UNC5D: variants seen among roughly 807,000 people sequenced by gnomAD.
The protein encoded by UNC5D is netrin receptor UNC5D.
A neutral mutation model predicts 105.4 loss-of-function variants in UNC5D; 39 were observed. That is an observed-to-expected ratio of 0.37 (90% CI 0.29 to 0.48). The LOEUF (loss-of-function observed/expected upper bound fraction) is 0.48, where lower values mean the gene tolerates loss of function less well. UNC5D is among the 20% of genes least tolerant of loss of function. The pLI is 0.98. For missense variants in UNC5D, 991 were observed against 1,202.4 expected (o/e 0.82, Z 2.60); for synonymous variants, 452 against 450.4 (o/e 1.00, Z -0.04).
intron 1 of UNC5D, among the ~76,000 whole-genome samples, chr8:35,323,672 G>A (rs919772326): frequency 2.0e-5 from 3 of 152,028 alleles, no homozygotes; most frequent in Admixed American, 6.6e-5. Context: ...ACAACCATAT[G>A]GGGCAGGCAC....
intron 16 of UNC5D, among the ~76,000 whole-genome samples, chr8:35,775,612 T>G (rs1183438607): frequency 6.6e-6 from 1 of 152,196 alleles, no homozygotes; most frequent in Non-Finnish European, 1.5e-5. Flanking sequence ...CTATTTTTTT[T>G]TTTCTTTCAG....
At chr8:35,254,083 CA>C (rs1430348624) in intron 1 of UNC5D, among the ~76,000 whole-genome samples, 1 of 152,332 alleles carries the variant, frequency 6.6e-6, no homozygotes, top group Middle Eastern at 3.4e-3. Context: ...ACACCTCTCA[CA>C]TTCAGCCTTG....
chr8:35,712,915 C>T (rs1407662809), intron 8 of UNC5D, among the ~76,000 whole-genome samples: 2 of 152,050 alleles, frequency 1.3e-5, no homozygotes, highest in East Asian at 3.9e-4. Flanking sequence ...GTCCATTTTT[C>T]CTCATCTCCT....
At chr8:35,510,612 C>T (rs1054296686) in intron 1 of UNC5D, among the ~76,000 whole-genome samples, 4 of 152,126 alleles carry the variant, frequency 2.6e-5, no homozygotes, top group African/African-American at 9.7e-5. Flanking sequence ...ACCATATCCT[C>T]ACCAGTTAGC....
At position 35,730,972 on chromosome 8, in the gene UNC5D, G is replaced by GA. The variant is rs774132268; in HGVS notation, c.1682-35dup. On this transcript the variant is annotated intron_variant, in intron 10 of 16. Coordinates refer to ENST00000404895, the MANE Select transcript of UNC5D (RefSeq NM_080872.4). ...CGAGTGACAAACTTCATGATAATTG[G>GA]AAAAATCTATGAATAACCTGTTGGC... 87 of 1,599,382 alleles carry GA rather than the reference G, an allele frequency of 5.4e-5. 1 individual carries two copies. The highest frequency in any genetic ancestry group is 3.1e-4 in the African/African-American group (23 of 74,658).
At chr8:35,710,948 T>TG (rs1827905197) in intron 8 of UNC5D, among the ~76,000 whole-genome samples, 4,461 of 137,328 alleles carry the variant, frequency 0.032, 273 homozygotes, top group African/African-American at 0.096. Context: ...TTTTTTTTTT[T>TG]TTTTTTTTGA....
chr8:35,272,890 C>T (rs1805516832), intron 1 of UNC5D, among the ~76,000 whole-genome samples: 2 of 152,164 alleles, frequency 1.3e-5, no homozygotes, highest in Non-Finnish European at 2.9e-5. Flanking sequence ...CCTAGTGGGA[C>T]TTGAATACTT....
rs1237662598 is a variant in UNC5D at position 35,335,302 on chromosome 8, G to A, written c.103+99415G>A. 3.3e-5 allele frequency among the ~76,000 whole-genome samples: 5 copies of A among 152,202 alleles called. No individual in the cohort carries two copies. The East Asian group carries it at 9.6e-4, about 29-fold the overall frequency. On this transcript the variant is annotated intron_variant, in intron 1 of 16. Transcript: ENST00000404895. ...TCTCTTGGCTAAATAACCAGAAATA[G>A]AATGGCTGGGTCATGTGCTAGATGC...
At chr8:35,403,292 G>C (rs1319009878) in intron 1 of UNC5D, among the ~76,000 whole-genome samples, 1 of 152,176 alleles carries the variant, frequency 6.6e-6, no homozygotes, top group African/African-American at 2.4e-5. Context: ...TAACACCTTT[G>C]TGTTGCTACC....
intron 4 of UNC5D, among the ~76,000 whole-genome samples, chr8:35,603,846 T>C (rs1343257208): frequency 1.3e-5 from 2 of 152,148 alleles, no homozygotes; most frequent in Non-Finnish European, 2.9e-5. Flanking sequence ...GTCTGTTTTA[T>C]CAGAGACTAG....
At chr8:35,334,518 A>ATT (rs34040496) in intron 1 of UNC5D, among the ~76,000 whole-genome samples, 4,055 of 148,390 alleles carry the variant, frequency 0.027, 188 homozygotes, top group African/African-American at 0.093. Context: ...ACTTTTATTT[A>ATT]TTTTTTTTTT....
At chr8:35,766,103 C>T (rs534177904) in intron 14 of UNC5D, among the ~76,000 whole-genome samples, 145 of 151,800 alleles carry the variant, frequency 9.6e-4, no homozygotes, top group Non-Finnish European at 1.8e-3. Context: ...TCATTTCCCT[C>T]CTCATTTACT....
At chr8:35,512,496 A>G (rs1213552650) in intron 1 of UNC5D, among the ~76,000 whole-genome samples, 2 of 115,420 alleles carry the variant, frequency 1.7e-5, no homozygotes, top group Non-Finnish European at 3.5e-5. Context: ...ATATATATAT[A>G]TATATATATA....
At chr8:35,504,270 G>T (rs995536657) in intron 1 of UNC5D, among the ~76,000 whole-genome samples, 2 of 152,086 alleles carry the variant, frequency 1.3e-5, no homozygotes, top group African/African-American at 4.8e-5. Flanking sequence ...AAGCTGTTTG[G>T]GCTCTCTGTT....
intron 10 of UNC5D, 83 bp from the exon 11 acceptor site, chr8:35,730,929 A>C: frequency 8.3e-7 from 1 of 1,210,792 alleles, no homozygotes; most frequent in South Asian, 1.4e-5. Context: ...CTTGTTTTCC[A>C]GGTATCTGTA....
At chr8:35,750,523 A>G (rs1297083857) in intron 12 of UNC5D, 59 bp from the exon 13 acceptor site, 2 of 1,543,766 alleles carry the variant, frequency 1.3e-6, no homozygotes, top group African/African-American at 1.4e-5. Flanking sequence ...TCCTGGCAAT[A>G]TAAAGGTTAG....
intron 1 of UNC5D, among the ~76,000 whole-genome samples, chr8:35,538,391 ATAAT>A (rs1814993465): frequency 9.5e-6 from 1 of 105,686 alleles, no homozygotes; most frequent in Admixed American, 1.2e-4. Context: ...TTAAAAAAAA[ATAAT>A]TATATATATA....
intron 4 of UNC5D, among the ~76,000 whole-genome samples, chr8:35,680,393 T>G (rs962714513): frequency 6.6e-6 from 1 of 152,222 alleles, no homozygotes; most frequent in African/African-American, 2.4e-5. Context: ...TTTATTCAAT[T>G]GTTTAATTGT....
intron 1 of UNC5D, among the ~76,000 whole-genome samples, chr8:35,321,725 C>G (rs1006657719): frequency 3.3e-5 from 5 of 152,136 alleles, no homozygotes; most frequent in African/African-American, 9.7e-5. Context: ...GACAAACAAA[C>G]TATATAGGCA....
Sources: gnomAD v4.1 joint callset for allele counts (sites outside exome capture counted in the v4.1 genomes callset) on GRCh38, gnomAD v4.1.1 for gene constraint, MANE v1.5 for transcripts, NCBI Gene and HGNC (gene_info 2026-07-23, HGNC 2026-07-21) for gene names.